RYR3: variants seen among roughly 807,000 people sequenced by gnomAD.
The protein encoded by RYR3 is brain ryanodine receptor-calcium release channel.
RYR3 carries 207 observed loss-of-function variants against 584.3 expected under a neutral mutation model. That is an observed-to-expected ratio of 0.35 (90% CI 0.32 to 0.40). The LOEUF (loss-of-function observed/expected upper bound fraction) is 0.40. Ranked by LOEUF, RYR3 falls within the 10% of genes least tolerant of loss-of-function variation. The pLI is 1.00. For synonymous variants in RYR3, 2,416 were observed against 2,248.5 expected, an observed-to-expected ratio of 1.07 and a Z score of -2.11; for missense variants, 5,616 against 6,089.2, an observed-to-expected ratio of 0.92 and a Z score of 2.59.
chr15:33,456,384 GT>G (rs1366385214), intron 1 of RYR3, among the ~76,000 whole-genome samples: 1 of 152,180 alleles, frequency 6.6e-6, no homozygotes, highest in Non-Finnish European at 1.5e-5. Context: ...GACACAGGAA[GT>G]TTTTTAATCA....
chr15:33,739,901 GATT>G lies in RYR3; in HGVS notation c.7730_7732del (p.Tyr2577del). 6.2e-7 allele frequency: 1 copy of G among 1,613,738 alleles called. No homozygotes were observed. The highest frequency in any genetic ancestry group is 8.5e-7 in the Non-Finnish European group (1 of 1,179,820). ...TGCTATAGCTGGGGCCTTGCCACCA[GATT>G]ATTTAGATACCAGAATCACAGCCAC... On this transcript the variant is annotated inframe_deletion, in exon 51 of 104. Transcript: ENST00000634891.
At chr15:33,789,302 T>C (rs117943446) in intron 67 of RYR3, among the ~76,000 whole-genome samples, 1,725 of 152,062 alleles carry the variant, frequency 0.011, 16 homozygotes, top group South Asian at 0.018. Context: ...TGAGGGAGTC[T>C]GTAATGTGAT....
At chr15:33,443,622 C>T (rs1820745171) in intron 1 of RYR3, among the ~76,000 whole-genome samples, 1 of 152,034 alleles carries the variant, frequency 6.6e-6, no homozygotes, top group Non-Finnish European at 1.5e-5. Flanking sequence ...TGACACTGTT[C>T]AGAGTAGTAA....
chr15:33,663,462 C>T, intron 35 of RYR3, 75 bp from the exon 36 acceptor site: 1 of 1,276,880 alleles, frequency 7.8e-7, no homozygotes, highest in Non-Finnish European at 1.1e-6. Context: ...CTCAGTGCTA[C>T]TGTCTGTAAA....
intron 69 of RYR3, among the ~76,000 whole-genome samples, chr15:33,802,498 T>C (rs2075971574): frequency 7.6e-6 from 1 of 132,078 alleles, no homozygotes; most frequent in African/African-American, 2.9e-5. Context: ...TTTGTCCATT[T>C]CCTTTAGGAA....
chr15:33,839,119 T>A (rs952598467), intron 89 of RYR3, among the ~76,000 whole-genome samples, 161 bp downstream of exon 89: 1 of 152,198 alleles, frequency 6.6e-6, no homozygotes, highest in African/African-American at 2.4e-5. Context: ...ACCTCTGACA[T>A]GTCTGCAGAA....
Position 33,750,246 on chromosome 15 carries a change from C to A in RYR3, c.8359C>A (p.Leu2787Met), listed in dbSNP as rs368940982. Residue 2787 changes from leucine (L) to methionine (M), a missense_variant, in exon 57 of 104, where the codon CTG (leucine) becomes ATG (methionine). Leu to Met is a conservative substitution (Grantham distance 15, BLOSUM62 2). This residue lies in a region of RYR3 where 1,280 missense variants were observed against 1,426.2 expected (regional missense o/e 0.90). Transcript: ENST00000634891. Reference sequence around the variant, plus strand: ...CAAGGACCGGGAGAAGGCACAGGACCTGTTTAAGTTCCTCCAAGTGAATGG... The same window carrying A: ...CAAGGACCGGGAGAAGGCACAGGACATGTTTAAGTTCCTCCAAGTGAATGG... ...KFKDREKAQD[L>M]FKFLQVNGII... 3.1e-6 allele frequency: 5 copies of A among 1,610,430 alleles called. No homozygotes were observed. The highest frequency in any genetic ancestry group is 4.2e-6 in the Non-Finnish European group (5 of 1,178,408).
intron 65 of RYR3, among the ~76,000 whole-genome samples, chr15:33,781,020 G>C (rs2074349171): frequency 6.6e-6 from 1 of 152,200 alleles, no homozygotes; most frequent in Non-Finnish European, 1.5e-5. Context: ...CAATGGCAGA[G>C]TTGAGTAGAG....
At chr15:33,622,183 T>C (rs1414281402) in intron 19 of RYR3, among the ~76,000 whole-genome samples, 2 of 152,176 alleles carry the variant, frequency 1.3e-5, no homozygotes, top group Non-Finnish European at 2.9e-5. Context: ...ATCAGCAGCT[T>C]TCCATTTGGA....
At chr15:33,624,068 A>G in intron 20 of RYR3, 45 bp downstream of exon 20, 1 of 1,220,942 alleles carries the variant, frequency 8.2e-7, no homozygotes, top group Non-Finnish European at 1.2e-6. Flanking sequence ...TAGATGAAGC[A>G]ATAGAGTTAA....
intron 27 of RYR3, among the ~76,000 whole-genome samples, chr15:33,639,267 T>C (rs964953406): frequency 2.6e-5 from 4 of 152,244 alleles, no homozygotes; most frequent in African/African-American, 9.6e-5. Flanking sequence ...AGAATTGTAC[T>C]GTAATGTGTT....
In RYR3 at chr15:33,826,739, G is replaced by A. The variant is rs2152965662; in HGVS notation, c.11232G>A (p.Glu3744=). The A allele has an allele frequency of 6.2e-7, 1 of 1,612,326 alleles. No homozygotes were observed. The highest frequency in any genetic ancestry group is 1.1e-5 in the South Asian group (1 of 90,746). The part of the protein sequence containing the change: ...DLFRFLQLLC[E]GHNSDFQNFL... ...TTAGATTCCTACAGTTACTTTGTGA[G>A]GGACATAACAGTGGTGAGTGGAACA... Residue 3744 remains glutamate, a synonymous_variant, in exon 84 of 104, where the codon GAG becomes GAA. Coordinates refer to ENST00000634891, the MANE Select transcript of RYR3 (RefSeq NM_001036.6).
At chr15:33,786,068 G>A (rs1304463894) in intron 66 of RYR3, 86 bp downstream of exon 66, 1 of 1,187,772 alleles carries the variant, frequency 8.4e-7, no homozygotes, top group African/African-American at 1.5e-5. Context: ...TTCCAAGATG[G>A]TTTTGCACAA....
chr15:33,764,141 A>G (rs2195556), intron 60 of RYR3, among the ~76,000 whole-genome samples: 71,969 of 151,750 alleles, frequency 0.47, 17,462 homozygotes, highest in African/African-American at 0.58. Flanking sequence ...CGTTTATTGC[A>G]GCACTGTTCA....
At chr15:33,786,285 A>G (rs960760108) in intron 66 of RYR3, among the ~76,000 whole-genome samples, 7 of 152,170 alleles carry the variant, frequency 4.6e-5, no homozygotes, top group African/African-American at 1.7e-4. Context: ...TTGGTACTCA[A>G]GAATCCCATT....
intron 1 of RYR3, among the ~76,000 whole-genome samples, chr15:33,327,192 C>G (rs1207835868): frequency 6.6e-6 from 1 of 152,158 alleles, no homozygotes; most frequent in Non-Finnish European, 1.5e-5. Context: ...ACTTTGAGAA[C>G]ATGTAGAAAA....
At chr15:33,579,600 C>G (rs1397083703) in intron 12 of RYR3, among the ~76,000 whole-genome samples, 2 of 152,072 alleles carry the variant, frequency 1.3e-5, no homozygotes, top group Non-Finnish European at 2.9e-5. Flanking sequence ...GAGTCACTGT[C>G]AAAATCACAG....
At chr15:33,591,346 C>A (rs1415870160) in intron 16 of RYR3, among the ~76,000 whole-genome samples, 2 of 152,168 alleles carry the variant, frequency 1.3e-5, no homozygotes, top group Non-Finnish European at 2.9e-5. Context: ...ACATCTATTT[C>A]TCTTACATCT....
chr15:33,696,737 A>C (rs1329413586), intron 39 of RYR3, among the ~76,000 whole-genome samples: 1 of 152,162 alleles, frequency 6.6e-6, no homozygotes, highest in Non-Finnish European at 1.5e-5. Flanking sequence ...AATCTTTTGA[A>C]AATAGCCCCA....
Sources: gnomAD v4.1 joint callset for allele counts (sites outside exome capture counted in the v4.1 genomes callset) on GRCh38, gnomAD v4.1.1 for gene constraint, gnomAD v4.1.1 regional missense constraint, MANE v1.5 for transcripts, NCBI Gene and HGNC (gene_info 2026-07-23, HGNC 2026-07-21) for gene names.